The following LINGO2 variants were observed in gnomAD, a reference collection of about 807,000 sequenced individuals.
The protein encoded by LINGO2 is leucine rich repeat and Ig domain containing 2, also known as leucine-rich repeat and immunoglobulin-like domain-containing nogo receptor-interacting protein 2.
In LINGO2, 14 loss-of-function variants were observed where a neutral mutation model predicts 30.6. That is an observed-to-expected ratio of 0.46 (90% CI 0.30 to 0.72). LINGO2 has a LOEUF of 0.72. Ranked by LOEUF, LINGO2 falls within the 30% of genes least tolerant of loss-of-function variation. The pLI, the probability that LINGO2 is intolerant of heterozygous loss-of-function variation, is 0.07. For synonymous variants in LINGO2, 317 were observed against 288.5 expected, an observed-to-expected ratio of 1.10 and a Z score of -1.00; for missense variants, 729 against 751.7, an observed-to-expected ratio of 0.97 and a Z score of 0.35.
intron 4 of LINGO2, among the ~76,000 whole-genome samples, chr9:28,192,769 G>A (rs755401215): frequency 2.0e-5 from 3 of 152,090 alleles, no homozygotes; most frequent in Non-Finnish European, 2.9e-5. Flanking sequence ...TGGCCAATCT[G>A]GGTTCTCTTT....
At chr9:28,961,187 C>T in the LINGO2 span, among the ~76,000 whole-genome samples, 1 of 152,134 alleles carries the variant, frequency 6.6e-6, no homozygotes, top group Non-Finnish European at 1.5e-5. Flanking sequence ...TACTGTCATA[C>T]TATCGCCGGC....
the LINGO2 span, among the ~76,000 whole-genome samples, chr9:29,102,165 TC>T: frequency 6.6e-6 from 1 of 151,628 alleles, no homozygotes; most frequent in Non-Finnish European, 1.5e-5. Context: ...CACTACAAGC[TC>T]CGCCTCCGGG....
At chr9:28,800,579 T>C in the LINGO2 span, among the ~76,000 whole-genome samples, 2 of 152,044 alleles carry the variant, frequency 1.3e-5, no homozygotes, top group Admixed American at 1.3e-4. Flanking sequence ...AGCCGTATCA[T>C]TGGCCATGAA....
At chr9:28,744,609 C>CGTGTGT in the LINGO2 span, among the ~76,000 whole-genome samples, 62 of 133,952 alleles carry the variant, frequency 4.6e-4, no homozygotes, top group African/African-American at 1.5e-3. Context: ...ATATTCCCCT[C>CGTGTGT]GTGTGTGTGT....
At chr9:29,001,925 C>T in the LINGO2 span, among the ~76,000 whole-genome samples, 5 of 152,100 alleles carry the variant, frequency 3.3e-5, no homozygotes, top group African/African-American at 1.2e-4. Flanking sequence ...GATAAACACC[C>T]ACCTGCTTCT....
the LINGO2 span, among the ~76,000 whole-genome samples, chr9:28,884,299 T>C: frequency 6.6e-6 from 1 of 152,164 alleles, no homozygotes; most frequent in East Asian, 1.9e-4. Flanking sequence ...TCTGCCCACC[T>C]ATTACCCTTG....
At chr9:28,843,992 A>G in the LINGO2 span, among the ~76,000 whole-genome samples, 1 of 151,802 alleles carries the variant, frequency 6.6e-6, no homozygotes, top group Non-Finnish European at 1.5e-5. Flanking sequence ...CCTCATGATA[A>G]AATATCAGTG....
At chr9:29,111,940 G>GTGTGTATATATAATT in the LINGO2 span, among the ~76,000 whole-genome samples, 7 of 68,840 alleles carry the variant, frequency 1.0e-4, no homozygotes, top group Admixed American at 1.3e-4. Flanking sequence ...TATATATAAT[G>GTGTGTATATATAATT]TATTTAATCT....
the LINGO2 span, among the ~76,000 whole-genome samples, chr9:28,920,533 T>C: frequency 6.6e-6 from 1 of 152,182 alleles, no homozygotes; most frequent in Non-Finnish European, 1.5e-5. Context: ...TACCCTTTCC[T>C]AGTTAATACT....
At chr9:28,353,853 G>A (rs1278542664) in intron 3 of LINGO2, among the ~76,000 whole-genome samples, 4 of 152,082 alleles carry the variant, frequency 2.6e-5, no homozygotes, top group African/African-American at 4.8e-5. Context: ...GTCCTTTGTA[G>A]GGACATGGAT....
At chr9:28,565,294 T>A (rs1466088728) in intron 1 of LINGO2, among the ~76,000 whole-genome samples, 1 of 151,244 alleles carries the variant, frequency 6.6e-6, no homozygotes, top group Non-Finnish European at 1.5e-5. Flanking sequence ...TTCATGCCAT[T>A]CTCCTGCCTC....
intron 2 of LINGO2, among the ~76,000 whole-genome samples, chr9:28,428,016 T>A (rs1823484252): frequency 6.6e-6 from 1 of 152,190 alleles, no homozygotes; most frequent in Admixed American, 6.5e-5. Context: ...AGAGTCTCTG[T>A]GTGTAATACA....
chr9:28,427,879 A>C (rs924257487), intron 2 of LINGO2, among the ~76,000 whole-genome samples: 1 of 152,156 alleles, frequency 6.6e-6, no homozygotes, highest in African/African-American at 2.4e-5. Context: ...AACTGATAAT[A>C]TTATATGAGG....
At chr9:28,675,450 T>G in the LINGO2 span, among the ~76,000 whole-genome samples, 1 of 152,184 alleles carries the variant, frequency 6.6e-6, no homozygotes, top group Non-Finnish European at 1.5e-5. Context: ...CTTTCTTTTA[T>G]TTGTTGTTTT....
chr9:28,916,795 T>G, the LINGO2 span, among the ~76,000 whole-genome samples: 1 of 152,160 alleles, frequency 6.6e-6, no homozygotes, highest in African/African-American at 2.4e-5. Context: ...AATTGAGACT[T>G]GTTTTATACT....
chr9:28,387,679 A>G (rs533603832), intron 2 of LINGO2, among the ~76,000 whole-genome samples: 1 of 152,252 alleles, frequency 6.6e-6, no homozygotes, highest in African/African-American at 2.4e-5. Flanking sequence ...GCCACCTTTA[A>G]GAGCTGTAAC....
chr9:28,126,200 G>C (rs1002492807), intron 4 of LINGO2, among the ~76,000 whole-genome samples: 9 of 152,118 alleles, frequency 5.9e-5, no homozygotes, highest in Non-Finnish European at 1.2e-4. Context: ...GTGGCTTATA[G>C]TAAAATTTCA....
chr9:28,535,702 GCA>G (rs147738543), intron 1 of LINGO2, among the ~76,000 whole-genome samples: 147 of 147,740 alleles, frequency 9.9e-4, no homozygotes, highest in African/African-American at 3.1e-3. Context: ...GTACGTGCAT[GCA>G]CACACACACA....
chr9:28,383,126 C>T (rs1331286547), intron 2 of LINGO2, among the ~76,000 whole-genome samples: 1 of 152,026 alleles, frequency 6.6e-6, no homozygotes, highest in African/African-American at 2.4e-5. Context: ...AGCTCCTCAT[C>T]TGTAGGAAGA....
Sources: gnomAD v4.1 joint callset for allele counts (sites outside exome capture counted in the v4.1 genomes callset) on GRCh38, gnomAD v4.1.1 for gene constraint, MANE v1.5 for transcripts, NCBI Gene and HGNC (gene_info 2026-07-23, HGNC 2026-07-21) for gene names.